The following ZMYM2 variants were observed in gnomAD, a reference collection of about 807,000 sequenced individuals.
ZMYM2 encodes the protein zinc finger MYM-type containing 2, also known as zinc finger MYM-type protein 2.
ZMYM2 carries 56 observed loss-of-function variants against 162.8 expected under a neutral mutation model. The ratio of observed to expected loss-of-function variants is 0.34; its 90% CI spans 0.28 to 0.43. The LOEUF (loss-of-function observed/expected upper bound fraction) is 0.43, where lower values mean the gene tolerates loss of function less well. Among genes scored for constraint, ZMYM2 ranks in the 20% least tolerant of loss-of-function variants. The probability of loss-of-function intolerance (pLI) is 1.00; values close to 1 mark genes in which losing one functional copy is unlikely to be tolerated. For missense variants in ZMYM2, 1,275 were observed against 1,621.8 expected (o/e 0.79, Z 3.67); for synonymous variants, 510 against 541.6 (o/e 0.94, Z 0.81).
At chr13:19,915,631 G>A in the ZMYM2 span, among the ~76,000 whole-genome samples, 3 of 151,938 alleles carry the variant, frequency 2.0e-5, no homozygotes, top group Admixed American at 1.3e-4. Context: ...AACCTCCCTA[G>A]TAGCTGGGAT....
At chr13:19,957,323 T>C (rs554251408), upstream of ZMYM2, among the ~76,000 whole-genome samples, 7 of 152,312 alleles carry the variant, frequency 4.6e-5, no homozygotes, top group Admixed American at 6.5e-5. Context: ...TAGGCAATGG[T>C]GTCAGATAAT....
intron 14 of ZMYM2, 51 bp downstream of exon 14, chr13:20,052,362 T>C: frequency 6.7e-7 from 1 of 1,500,624 alleles, no homozygotes; most frequent in Non-Finnish European, 9.0e-7. Flanking sequence ...TAATATGGGG[T>C]AAAAAATAAT....
chr13:19,943,447 C>T, the ZMYM2 span, among the ~76,000 whole-genome samples: 2 of 152,140 alleles, frequency 1.3e-5, no homozygotes, highest in Admixed American at 6.6e-5. Flanking sequence ...TAGCCGACAT[C>T]CCAATTAGCT....
chr13:19,966,162 T>C (rs1409863379), intron 2 of ZMYM2, among the ~76,000 whole-genome samples: 1 of 151,022 alleles, frequency 6.6e-6, no homozygotes, highest in Non-Finnish European at 1.5e-5. Context: ...GAGACAGAGT[T>C]TCTCTCTTGT....
intron 2 of ZMYM2, among the ~76,000 whole-genome samples, chr13:19,983,878 A>G (rs928217494): frequency 6.6e-6 from 1 of 151,628 alleles, no homozygotes; most frequent in African/African-American, 2.4e-5. Context: ...TCTGCCCGCC[A>G]TGGCCTCCTA....
chr13:20,056,022 A>G lies in ZMYM2; in HGVS notation c.2494-2553A>G, dbSNP rs968763861. 2.6e-5 allele frequency among the ~76,000 whole-genome samples: 4 copies of G among 152,346 alleles called. No homozygotes were observed. In the East Asian group the frequency reaches 5.8e-4, roughly 22 times the overall value. Reference sequence around the variant, plus strand: ...AGGGAAAAGGTTATATGGAAGAGCTACTTTTCAACACTAATGGGACTGGCT... The same window carrying G: ...AGGGAAAAGGTTATATGGAAGAGCTGCTTTTCAACACTAATGGGACTGGCT... On this transcript the variant is annotated intron_variant, in intron 14 of 24. Coordinates refer to ENST00000610343, the MANE Select transcript of ZMYM2 (RefSeq NM_197968.4).
chr13:20,027,314 T>A lies in ZMYM2; in HGVS notation c.1847T>A (p.Phe616Tyr). 1.3e-6 allele frequency: 2 copies of A among 1,561,562 alleles called. No homozygotes were observed. Among genetic ancestry groups the A allele is most frequent in the African/African-American group, 2.7e-5 (2 of 73,854 alleles). Residue 616 changes from phenylalanine to tyrosine, a missense_variant, in exon 9 of 25, where the codon TTT becomes TAT. By Grantham distance (22) the Phe-to-Tyr change is conservative. Coordinates refer to ENST00000610343, the MANE Select transcript of ZMYM2 (RefSeq NM_197968.4). ...NFCNSSCVAK[F>Y]QALSMQSSPN... ...TGCAATTCCAGTTGTGTGGCTAAATTTCAGGTTTGTCGTTTATTTTGCATA... is the reference window on the plus strand; with the variant it reads ...TGCAATTCCAGTTGTGTGGCTAAATATCAGGTTTGTCGTTTATTTTGCATA...
In ZMYM2 at chr13:19,993,086, C is replaced by T; in HGVS notation, c.14C>T (p.Ser5Leu). 3 of 1,602,756 alleles carry T rather than the reference C, an allele frequency of 1.9e-6. No individual in the cohort carries two copies. The highest frequency in any genetic ancestry group is 2.6e-6 in the Non-Finnish European group (3 of 1,175,440). Residue 5 changes from serine (S) to leucine (L), a missense_variant, in exon 3 of 25, where the codon TCA becomes TTA. Physicochemically the swap from Ser to Leu is moderately radical, Grantham distance 145. Transcript: ENST00000610343. ...AGGTTCTTTGGCATGGACACAAGTT[C>T]AGTGGGAGGATTAGAATTGACTGAT... MDTS[S>L]VGGLELTDQT...
chr13:19,979,892 T>TC (rs1957157862), intron 2 of ZMYM2, among the ~76,000 whole-genome samples: 1 of 152,188 alleles, frequency 6.6e-6, no homozygotes, highest in Admixed American at 6.5e-5. Context: ...AATCATTTTT[T>TC]CCCACTCAAT....
Position 20,082,909 on chromosome 13 carries a change from G to T in ZMYM2, c.3697G>T (p.Glu1233Ter). Reference sequence around the variant, plus strand: ...TAAGTATTTTGGCCTGAAAACAGTGGAACAACACTTAAGACTTTCCTTTGG... The same window carrying T: ...TAAGTATTTTGGCCTGAAAACAGTGTAACAACACTTAAGACTTTCCTTTGG... Reference protein sequence around the residue: ...NTKYFGLKTVEQHLRLSFGTV... With the variant: ...NTKYFGLKTV The change falls in exon 23 of 25, where the codon GAA becomes TAA. Residue 1233 changes from glutamate to a stop codon, truncating the protein, a stop_gained. Coordinates refer to ENST00000610343, the MANE Select transcript of ZMYM2 (RefSeq NM_197968.4). LOFTEE classifies it high-confidence loss of function. The T allele has an allele frequency of 6.2e-7, 1 of 1,613,840 alleles. No homozygotes were observed. The highest frequency in any genetic ancestry group is 8.5e-7 in the Non-Finnish European group (1 of 1,179,844).
the ZMYM2 span, among the ~76,000 whole-genome samples, chr13:19,945,339 C>A: frequency 1.3e-5 from 2 of 152,066 alleles, no homozygotes; most frequent in East Asian, 3.9e-4. Context: ...ACAACCTCTG[C>A]CTCCCGGGTT....
chr13:20,075,896 A>G (rs1276118261), intron 21 of ZMYM2, among the ~76,000 whole-genome samples: 1 of 151,386 alleles, frequency 6.6e-6, no homozygotes, highest in East Asian at 2.0e-4. Flanking sequence ...AGGTTTCGCC[A>G]TGTTGGCCAG....
At chr13:19,881,466 A>G in the ZMYM2 span, among the ~76,000 whole-genome samples, 2 of 151,604 alleles carry the variant, frequency 1.3e-5, no homozygotes, top group African/African-American at 4.8e-5. Flanking sequence ...TATCAAAAAT[A>G]AAAAAATTAG....
the ZMYM2 span, among the ~76,000 whole-genome samples, chr13:19,912,260 TG>T: frequency 6.6e-6 from 1 of 151,654 alleles, no homozygotes; most frequent in Non-Finnish European, 1.5e-5. Context: ...TCCAGTCCTA[TG>T]TTATAATTTT....
chr13:19,872,155 T>A, the ZMYM2 span, among the ~76,000 whole-genome samples: 72 of 151,214 alleles, frequency 4.8e-4, no homozygotes, highest in Non-Finnish European at 7.4e-5. Flanking sequence ...TTTTTTTTTT[T>A]AAATAAAAAC....
At chr13:20,074,107 C>T (rs995447205) in intron 21 of ZMYM2, among the ~76,000 whole-genome samples, 1 of 151,968 alleles carries the variant, frequency 6.6e-6, no homozygotes, top group African/African-American at 2.4e-5. Context: ...TAAGTGGAAT[C>T]ATGCAGTATT....
the ZMYM2 span, among the ~76,000 whole-genome samples, chr13:19,910,736 C>G: frequency 6.6e-6 from 1 of 152,194 alleles, no homozygotes; most frequent in African/African-American, 2.4e-5. Context: ...AGAAATTATA[C>G]TGGGAAATTA....
intron 14 of ZMYM2, 36 bp from the exon 15 acceptor site, chr13:20,058,539 A>G (rs780346244): frequency 1.3e-6 from 2 of 1,596,730 alleles, no homozygotes. Context: ...AAAATTAGAC[A>G]TAAAAATAAA....
chr13:19,994,639 A>G (rs1295930863), intron 3 of ZMYM2, among the ~76,000 whole-genome samples: 1 of 151,874 alleles, frequency 6.6e-6, no homozygotes, highest in East Asian at 1.9e-4. Context: ...ATAGGCGTCC[A>G]CCACCACGCA....
Sources: allele counts gnomAD v4.1 joint callset (sites outside exome capture counted in the v4.1 genomes callset), GRCh38; gene constraint gnomAD v4.1.1; transcripts MANE v1.5; gene names NCBI Gene and HGNC (gene_info 2026-07-23, HGNC 2026-07-21).